The following PNPLA8 variants were observed in gnomAD, a reference collection of about 807,000 sequenced individuals.
PNPLA8 encodes the protein patatin like domain 8, phospholipase A2.
Under a neutral mutation model 76.9 loss-of-function variants are expected in PNPLA8, and 39 were observed. That is an observed-to-expected ratio of 0.51 (90% CI 0.39 to 0.66). The LOEUF is 0.66. Among genes scored for constraint, PNPLA8 ranks in the 30% least tolerant of loss-of-function variants. The pLI, the probability that PNPLA8 is intolerant of heterozygous loss-of-function variation, is 0.00. For synonymous variants in PNPLA8, 301 were observed against 307.9 expected, an observed-to-expected ratio of 0.98 and a Z score of 0.24; for missense variants, 887 against 918.0, an observed-to-expected ratio of 0.97 and a Z score of 0.44.
chr7:108,512,611 C>T (rs1367414014), intron 4 of PNPLA8, among the ~76,000 whole-genome samples: 1 of 152,096 alleles, frequency 6.6e-6, no homozygotes, highest in Non-Finnish European at 1.5e-5. Flanking sequence ...AAAATTCTAT[C>T]ATTTTTAAAA....
chr7:108,514,324 G>A (rs757809915), intron 3 of PNPLA8, 31 bp from the exon 4 acceptor site: 15 of 1,577,664 alleles, frequency 9.5e-6, no homozygotes, highest in African/African-American at 2.7e-5. Context: ...GATATGATTA[G>A]AATACAAAAC....
At chr7:108,525,924 A>C in intron 1 of PNPLA8, 105 bp downstream of exon 1, 1 of 375,966 alleles carries the variant, frequency 2.7e-6, no homozygotes, top group Non-Finnish European at 3.7e-6. Context: ...TCGCTCGGGA[A>C]GTGCCCTCCA....
intron 7 of PNPLA8, among the ~76,000 whole-genome samples, chr7:108,495,822 T>C (rs966173427): frequency 6.6e-5 from 10 of 152,126 alleles, no homozygotes; most frequent in African/African-American, 2.2e-4. Context: ...TCTTTAAAAA[T>C]ATGTCAGGAG....
At chr7:108,490,067 A>G (rs1861033215) in intron 8 of PNPLA8, among the ~76,000 whole-genome samples, 1 of 152,186 alleles carries the variant, frequency 6.6e-6, no homozygotes, top group South Asian at 2.1e-4. Context: ...TCTATGCTGT[A>G]TTTTTCACTG....
chr7:108,517,279 T>C (rs1863412687), intron 2 of PNPLA8, among the ~76,000 whole-genome samples: 2 of 152,164 alleles, frequency 1.3e-5, no homozygotes, highest in Admixed American at 6.6e-5. Flanking sequence ...GGATGTAAAG[T>C]AAAAGGAACT....
chr7:108,502,780 A>G (rs1350170090), intron 4 of PNPLA8, 138 bp from the exon 5 acceptor site: 1 of 511,176 alleles, frequency 2.0e-6, no homozygotes, highest in African/African-American at 2.0e-5. Context: ...TAATCTTATA[A>G]GACAGATTAG....
At chr7:108,483,420 A>C (rs938220701) in intron 9 of PNPLA8, among the ~76,000 whole-genome samples, 1 of 152,196 alleles carries the variant, frequency 6.6e-6, no homozygotes, top group Admixed American at 6.5e-5. Context: ...GTTTGTTGCC[A>C]CATTTACTTC....
intron 8 of PNPLA8, among the ~76,000 whole-genome samples, chr7:108,490,772 A>G (rs575993382): frequency 6.6e-6 from 1 of 151,220 alleles, no homozygotes; most frequent in South Asian, 2.1e-4. Context: ...CGACAGAGCA[A>G]GACTCCGTCT....
chr7:108,470,880 G>A lies in PNPLA8; in HGVS notation c.*1521C>T, dbSNP rs957304219. The A allele has an allele frequency of 1.3e-5, 2 of 152,090 alleles. No homozygotes were observed. The highest frequency in any genetic ancestry group is 3.9e-4 in the East Asian group (2 of 5,172). 9.4% of individuals were successfully genotyped at this position (152,090 alleles called of 1,614,324 possible). On this transcript the variant is annotated 3_prime_UTR_variant, in exon 11 of 11. Coordinates refer to ENST00000257694, the MANE Select transcript of PNPLA8 (RefSeq NM_001256007.3). ...CAAGGTAACAAACAGAAGGGTTCTT[G>A]CAGCAAAGGCAGGATTAGCATCCAG...
chr7:108,498,350 C>T (rs1004537366), intron 5 of PNPLA8, among the ~76,000 whole-genome samples: 3 of 151,760 alleles, frequency 2.0e-5, no homozygotes, highest in South Asian at 2.1e-4. Context: ...CTGCAACCTC[C>T]GCCTCCTGGG....
In PNPLA8 at chr7:108,515,084, T is replaced by C; in HGVS notation, c.408A>G (p.Leu136=). 6.2e-7 allele frequency: 1 copy of C among 1,604,314 alleles called. No homozygotes were observed. Among genetic ancestry groups the C allele is most frequent in the South Asian group, 1.1e-5 (1 of 90,062 alleles). ...ACCAGCCACTATCCGATACTTTTCT[T>C]AAAATTTGGGAACTTGGCTTAAATT... ...LAQFKPSSQI[L]RKVSDSGWLK... The change falls in exon 3 of 11, where the codon TTA becomes TTG. Residue 136 remains leucine, a synonymous_variant. Coordinates refer to ENST00000257694, the MANE Select transcript of PNPLA8 (RefSeq NM_001256007.3).
chr7:108,487,300 G>C (rs1357739994), intron 9 of PNPLA8, among the ~76,000 whole-genome samples: 1 of 152,124 alleles, frequency 6.6e-6, no homozygotes, highest in East Asian at 1.9e-4. Context: ...GATTAAATGA[G>C]ATAATGCATG....
Position 108,472,680 on chromosome 7 carries a change from T to C in PNPLA8, c.2075-5A>G, listed in dbSNP as rs1859706368. The C allele has an allele frequency of 1.3e-6, 2 of 1,557,226 alleles. No individual in the cohort carries two copies. The highest frequency in any genetic ancestry group is 2.8e-5 in the African/African-American group (2 of 71,870). ...CATCAAGCATTATATGGACTTCTGT[T>C]AAAGCAAAAAAGAAAAGGATAAGGG... On this transcript the variant is annotated splice_polypyrimidine_tract_variant and splice_region_variant and intron_variant, in intron 10 of 10. Transcript: ENST00000257694.
At chr7:108,479,097 C>G (rs938186824) in intron 10 of PNPLA8, 87 bp downstream of exon 10, 21 of 804,342 alleles carry the variant, frequency 2.6e-5, no homozygotes, top group Non-Finnish European at 4.0e-5. Context: ...ATATCATATG[C>G]CTTTGCAGTT....
At chr7:108,508,876 C>T (rs1412887582) in intron 4 of PNPLA8, among the ~76,000 whole-genome samples, 9 of 129,490 alleles carry the variant, frequency 7.0e-5, no homozygotes, top group East Asian at 2.4e-4. Context: ...ACGCCGCATA[C>T]CTACAACTAT....
chr7:108,490,980 A>G (rs1257009483), intron 8 of PNPLA8, among the ~76,000 whole-genome samples: 1 of 152,208 alleles, frequency 6.6e-6, no homozygotes, highest in Admixed American at 6.5e-5. Context: ...CAATATATAA[A>G]GAATTAATAC....
intron 5 of PNPLA8, among the ~76,000 whole-genome samples, 190 bp downstream of exon 5, chr7:108,502,301 G>C (rs1862008754): frequency 6.6e-6 from 1 of 151,666 alleles, no homozygotes; most frequent in Non-Finnish European, 1.5e-5. Flanking sequence ...AAATTAGCCG[G>C]GTATGGTGGC....
At chr7:108,518,031 G>C (rs1863464441) in intron 2 of PNPLA8, among the ~76,000 whole-genome samples, 1 of 152,190 alleles carries the variant, frequency 6.6e-6, no homozygotes, top group African/African-American at 2.4e-5. Context: ...TTTGGTATCT[G>C]CTGAAGGCCC....
intron 8 of PNPLA8, 76 bp downstream of exon 8, chr7:108,491,334 A>G: frequency 1.2e-6 from 1 of 832,444 alleles, no homozygotes; most frequent in Non-Finnish European, 2.0e-6. Flanking sequence ...ATAAAATAAA[A>G]TGGCCCTCAG....
Sources: allele counts gnomAD v4.1 joint callset (sites outside exome capture counted in the v4.1 genomes callset), GRCh38; gene constraint gnomAD v4.1.1; transcripts MANE v1.5; gene names NCBI Gene and HGNC (gene_info 2026-07-23, HGNC 2026-07-21).